The following XPR1 variants were observed in gnomAD, a reference collection of about 807,000 sequenced individuals.
The protein encoded by XPR1 is solute carrier family 53 member 1.
XPR1 carries 28 observed loss-of-function variants against 87.5 expected under a neutral mutation model. The observed-to-expected ratio is 0.32, with a 90% CI of 0.24 to 0.44. XPR1 has a LOEUF of 0.44. Ranked by LOEUF, XPR1 falls within the 20% of genes least tolerant of loss-of-function variation. XPR1 has a pLI of 1.00. For synonymous variants in XPR1, 300 were observed against 306.1 expected (o/e 0.98, Z 0.21); for missense variants, 559 against 862.3 (o/e 0.65, Z 4.41).
At chr1:180,803,672 G>A in intron 4 of XPR1, 61 bp downstream of exon 4, 2 of 1,420,258 alleles carry the variant, frequency 1.4e-6, no homozygotes, top group East Asian at 4.6e-5. Flanking sequence ...TTCAATAAAT[G>A]GAAGTACCCT....
intron 12 of XPR1, among the ~76,000 whole-genome samples, chr1:180,866,938 A>G (rs769935): frequency 8.7e-6 from 1 of 114,450 alleles, no homozygotes; most frequent in Non-Finnish European, 1.8e-5. Flanking sequence ...CATTAGGTAT[A>G]TCTCCCAATG....
Position 180,813,392 on chromosome 1 carries a change from A to G in XPR1, c.763+1904A>G, listed in dbSNP as rs75022254. 1.2e-3 allele frequency among the ~76,000 whole-genome samples: 181 copies of G among 152,304 alleles called. 5 individuals are homozygous for G. In the East Asian group the frequency reaches 0.027, roughly 23 times the overall value. Reference sequence around the variant, plus strand: ...AAGCGTTCCCTGATCACCCAACCCTAAAATAATCTATTCTGTCCCTTTAGC... The same window carrying G: ...AAGCGTTCCCTGATCACCCAACCCTGAAATAATCTATTCTGTCCCTTTAGC... On this transcript the variant is annotated intron_variant, in intron 7 of 14. Transcript: ENST00000367590.
At chr1:180,654,351 T>G (rs980105131) in intron 1 of XPR1, among the ~76,000 whole-genome samples, 5 of 152,182 alleles carry the variant, frequency 3.3e-5, no homozygotes, top group Non-Finnish European at 7.4e-5. Context: ...TTTAATAGTT[T>G]TTAATATCTA....
chr1:180,759,005 C>T (rs1166237827), intron 2 of XPR1, among the ~76,000 whole-genome samples: 1 of 152,138 alleles, frequency 6.6e-6, no homozygotes, highest in Non-Finnish European at 1.5e-5. Context: ...ACAACCTGCT[C>T]CTGAATGACT....
chr1:180,829,345 A>G (rs1298167296), intron 9 of XPR1, among the ~76,000 whole-genome samples: 1 of 152,178 alleles, frequency 6.6e-6, no homozygotes, highest in Non-Finnish European at 1.5e-5. Context: ...TGTCACTTTA[A>G]TCAAAATCAC....
At chr1:180,747,862 G>C (rs189696221) in intron 2 of XPR1, among the ~76,000 whole-genome samples, 5 of 152,262 alleles carry the variant, frequency 3.3e-5, no homozygotes, top group African/African-American at 1.2e-4. Flanking sequence ...GGGGACCCCA[G>C]CTCACCAACT....
intron 3 of XPR1, among the ~76,000 whole-genome samples, chr1:180,789,882 A>C (rs2102094685): frequency 6.6e-6 from 1 of 152,298 alleles, no homozygotes; most frequent in Middle Eastern, 3.4e-3. Context: ...CAACAGCAGA[A>C]TAAATTGGAA....
At chr1:180,668,510 C>A (rs907555393) in intron 1 of XPR1, among the ~76,000 whole-genome samples, 1 of 150,372 alleles carries the variant, frequency 6.7e-6, no homozygotes, top group Non-Finnish European at 1.5e-5. Flanking sequence ...GGTTTGAAAT[C>A]CATTTGAAAT....
In XPR1 at chr1:180,825,240, A is replaced by G. The variant is rs771244539; in HGVS notation, c.1030A>G (p.Thr344Ala). ...CFFAPISVIP[T>A]YVYPLALYGF... ...CTTTGCTCCAATTAGTGTCATCCCC[A>G]CATATGTGTATCCACTTGCCCTTTA... The change falls in exon 9 of 15, where the codon ACA (threonine) becomes GCA (alanine). Residue 344 changes from threonine (T) to alanine (A), a missense_variant. This residue lies in a region of XPR1 where 264 missense variants were observed against 377.2 expected (regional missense o/e 0.70). Coordinates refer to ENST00000367590, the MANE Select transcript of XPR1 (RefSeq NM_004736.4). 3 of 1,614,054 alleles carry G rather than the reference A, an allele frequency of 1.9e-6. No individual in the cohort carries two copies. The highest frequency in any genetic ancestry group is 2.5e-6 in the Non-Finnish European group (3 of 1,179,970).
chr1:180,690,454 C>T (rs1268307109), intron 2 of XPR1, among the ~76,000 whole-genome samples: 2 of 152,174 alleles, frequency 1.3e-5, no homozygotes, highest in East Asian at 3.9e-4. Context: ...TTCTTATAAT[C>T]CAAGGATGTA....
At chr1:180,794,639 A>T (rs1369502771) in intron 3 of XPR1, among the ~76,000 whole-genome samples, 2 of 152,210 alleles carry the variant, frequency 1.3e-5, no homozygotes, top group Non-Finnish European at 2.9e-5. Context: ...CTTTAGAAGA[A>T]GTGAAATTTA....
At chr1:180,755,371 A>G (rs1012345321) in intron 2 of XPR1, among the ~76,000 whole-genome samples, 3 of 152,248 alleles carry the variant, frequency 2.0e-5, no homozygotes, top group Non-Finnish European at 2.9e-5. Context: ...TTATTTCTGC[A>G]TGATTTTGTG....
chr1:180,881,584 T>C (rs16856475), intron 14 of XPR1, among the ~76,000 whole-genome samples: 6,236 of 152,316 alleles, frequency 0.041, 158 homozygotes, highest in African/African-American at 0.072. Context: ...GAAAGCCAGA[T>C]GAAAAGCTAT....
At chr1:180,802,991 G>GTA (rs1649850367) in intron 3 of XPR1, among the ~76,000 whole-genome samples, 1 of 152,172 alleles carries the variant, frequency 6.6e-6, no homozygotes, top group African/African-American at 2.4e-5. Flanking sequence ...ATGCAAGTTA[G>GTA]TATATGTATG....
chr1:180,726,588 T>C (rs1362432948), intron 2 of XPR1, among the ~76,000 whole-genome samples: 2 of 152,172 alleles, frequency 1.3e-5, no homozygotes, highest in African/African-American at 2.4e-5. Context: ...CTGAAAACTG[T>C]TTACATAATA....
At chr1:180,698,906 A>C (rs917859115) in intron 2 of XPR1, among the ~76,000 whole-genome samples, 2 of 151,660 alleles carry the variant, frequency 1.3e-5, no homozygotes, top group African/African-American at 4.8e-5. Context: ...TTGATACGTG[A>C]CTTGACAATT....
intron 14 of XPR1, among the ~76,000 whole-genome samples, chr1:180,883,679 A>T (rs1652916917): frequency 6.8e-6 from 1 of 147,978 alleles, no homozygotes. Flanking sequence ...ACTGCACTCC[A>T]GCCTGGCGAC....
At chr1:180,734,440 G>A (rs967492235) in intron 2 of XPR1, among the ~76,000 whole-genome samples, 1 of 152,192 alleles carries the variant, frequency 6.6e-6, no homozygotes, top group Admixed American at 6.5e-5. Flanking sequence ...CAGGCAGTGG[G>A]TTAGGCAATC....
At chr1:180,638,299 C>T (rs1235626955) in intron 1 of XPR1, among the ~76,000 whole-genome samples, 1 of 152,060 alleles carries the variant, frequency 6.6e-6, no homozygotes. Context: ...AATAAATATG[C>T]ATATATTGGA....
Sources: allele counts gnomAD v4.1 joint callset (sites outside exome capture counted in the v4.1 genomes callset), GRCh38; gene constraint gnomAD v4.1.1; regional missense constraint gnomAD v4.1.1; transcripts MANE v1.5; gene names NCBI Gene and HGNC (gene_info 2026-07-23, HGNC 2026-07-21).